The following EIF4E variants were observed in gnomAD, a reference collection of about 807,000 sequenced individuals.
EIF4E encodes the protein eIF-4F 25 kDa subunit.
For synonymous variants in EIF4E, 71 were observed against 88.5 expected, an observed-to-expected ratio of 0.80 and a Z score of 1.11; for missense variants, 113 against 265.6, an observed-to-expected ratio of 0.43 and a Z score of 3.99.
intron 1 of EIF4E, among the ~76,000 whole-genome samples, chr4:98,911,102 T>C (rs1342704927): frequency 6.6e-6 from 1 of 151,658 alleles, no homozygotes; most frequent in African/African-American, 2.4e-5. Context: ...CAGGCTGGAT[T>C]GCAGTGGCGC....
Position 98,887,393 on chromosome 4 carries a change from C to T in EIF4E, c.286-201G>A, listed in dbSNP as rs1247486288. ...CAGAATTAGAGTCCTGGCTTTGTCA[C>T]TTATTAGCTATCAAATCTTGGGTTT... On this transcript the variant is annotated intron_variant, in intron 4 of 6. Coordinates refer to ENST00000450253, the MANE Select transcript of EIF4E (RefSeq NM_001968.5). The surrounding 1 kb of genome is among the most constrained non-coding windows in gnomAD (Gnocchi z 4.0). Among the ~76,000 whole-genome samples the T allele has an allele frequency of 2.6e-5, 4 of 152,200 alleles. No homozygotes were observed. Among genetic ancestry groups the T allele is most frequent in the African/African-American group, 9.7e-5 (4 of 41,428 alleles).
intron 5 of EIF4E, among the ~76,000 whole-genome samples, chr4:98,885,878 C>G (rs1326766712): frequency 6.6e-6 from 1 of 152,176 alleles, no homozygotes; most frequent in African/African-American, 2.4e-5. Flanking sequence ...CATCCATCTC[C>G]AGAAGATTTT....
At chr4:98,892,681 CAAAA>C (rs72248242) in intron 2 of EIF4E, among the ~76,000 whole-genome samples, 10 of 114,104 alleles carry the variant, frequency 8.8e-5, no homozygotes, top group Admixed American at 1.8e-4. Flanking sequence ...AACTCTGTCT[CAAAA>C]AAAAAAAAAA....
Position 98,923,078 on chromosome 4 carries a change from C to T in EIF4E, c.18+6017G>A, listed in dbSNP as rs1725719380. ...GCTGGTCAGGCTGGTCTCGAACTCC[C>T]GACCTCAGGTGATCCGCCCACCTCA... On this transcript the variant is annotated intron_variant, in intron 1 of 6. Coordinates refer to ENST00000450253, the MANE Select transcript of EIF4E (RefSeq NM_001968.5). 1.3e-5 allele frequency among the ~76,000 whole-genome samples: 2 copies of T among 151,306 alleles called. 1 individual carries two copies. Among genetic ancestry groups the T allele is most frequent in the Admixed American group, 1.3e-4 (2 of 15,210 alleles).
intron 1 of EIF4E, 168 bp downstream of exon 1, chr4:98,928,927 T>C (rs1347804726): frequency 1.3e-6 from 2 of 1,573,298 alleles, no homozygotes; most frequent in East Asian, 2.4e-5. Flanking sequence ...GCCTCGGCCA[T>C]CCTCCGGGAC....
At chr4:98,899,015 G>C (rs1724534740) in intron 2 of EIF4E, among the ~76,000 whole-genome samples, 1 of 150,862 alleles carries the variant, frequency 6.6e-6, no homozygotes, top group African/African-American at 2.4e-5. Flanking sequence ...AAACCACTGA[G>C]GAAAAGCAGT....
At chr4:98,918,028 A>G (rs1215910647) in intron 1 of EIF4E, among the ~76,000 whole-genome samples, 1 of 151,896 alleles carries the variant, frequency 6.6e-6, no homozygotes, top group African/African-American at 2.4e-5. Flanking sequence ...GTGAGCAGAG[A>G]CTGCACTCCA....
At chr4:98,918,011 G>C (rs531909352) in intron 1 of EIF4E, among the ~76,000 whole-genome samples, 16 of 152,214 alleles carry the variant, frequency 1.1e-4, no homozygotes, top group African/African-American at 3.9e-4. Flanking sequence ...GGGAGGCGGA[G>C]GTTGCAGTGA....
intron 1 of EIF4E, among the ~76,000 whole-genome samples, chr4:98,906,719 TAAATG>T (rs1485847384): frequency 7.9e-5 from 12 of 151,990 alleles, no homozygotes. Context: ...TCTAAAAAAT[TAAATG>T]AAATGAAACT....
At chr4:98,890,289 A>T (rs1296889880) in intron 3 of EIF4E, among the ~76,000 whole-genome samples, 1 of 152,208 alleles carries the variant, frequency 6.6e-6, no homozygotes, top group Non-Finnish European at 1.5e-5. Flanking sequence ...AGCATCACTA[A>T]TTCAGCATGT....
intron 6 of EIF4E, 30 bp from the exon 7 acceptor site, chr4:98,881,172 A>C: frequency 6.2e-7 from 1 of 1,606,956 alleles, no homozygotes; most frequent in Non-Finnish European, 8.5e-7. Context: ...AAGAAGAAAA[A>C]AGTAGTCATT....
chr4:98,908,137 T>C (rs1197141916), intron 1 of EIF4E, among the ~76,000 whole-genome samples: 1 of 152,178 alleles, frequency 6.6e-6, no homozygotes, highest in Non-Finnish European at 1.5e-5. Flanking sequence ...CTCAATAATT[T>C]CTATCTATCC....
At chr4:98,897,509 T>C (rs1322090134) in intron 2 of EIF4E, among the ~76,000 whole-genome samples, 1 of 152,036 alleles carries the variant, frequency 6.6e-6, no homozygotes, top group Non-Finnish European at 1.5e-5. Context: ...GAGGTTGCAG[T>C]GAGCCAAGAT....
chr4:98,922,117 T>A (rs946016065), intron 1 of EIF4E, among the ~76,000 whole-genome samples: 1 of 152,194 alleles, frequency 6.6e-6, no homozygotes, highest in Non-Finnish European at 1.5e-5. Flanking sequence ...CAAAGCACAT[T>A]ACATGCCTAC....
chr4:98,880,882 T>C lies in EIF4E; in HGVS notation c.*146A>G. The C allele has an allele frequency of 7.2e-7, 1 of 1,397,862 alleles. No individual in the cohort carries two copies. The highest frequency in any genetic ancestry group is 9.5e-7 in the Non-Finnish European group (1 of 1,053,474). The allele number at this position is 1,397,862 out of a possible 1,614,324, so 86.6% of individuals were successfully genotyped here. A position where few individuals can be genotyped will look rare whatever the true frequency, so the allele number is the denominator to read the frequency against. ...CACAGAAGTACAAGACAAAGGCGAA[T>C]GAGACTTCTCTTATATCTGAGTAAC... On this transcript the variant is annotated 3_prime_UTR_variant, in exon 7 of 7. Transcript: ENST00000450253.
intron 6 of EIF4E, among the ~76,000 whole-genome samples, chr4:98,884,414 T>C (rs1441672911): frequency 6.6e-6 from 1 of 151,932 alleles, no homozygotes; most frequent in African/African-American, 2.4e-5. Context: ...AAAAAACATA[T>C]GAAAAAGGCC....
chr4:98,886,713 C>G (rs538604998), intron 5 of EIF4E: 4 of 339,588 alleles, frequency 1.2e-5, no homozygotes, highest in African/African-American at 8.6e-5. Flanking sequence ...AAGACCCTCG[C>G]TCTAAAAATA....
Position 98,896,376 on chromosome 4 carries a change from TGGGACAGGGATG to T in EIF4E, c.126-5056_126-5045del, listed in dbSNP as rs1724392316. On this transcript the variant is annotated intron_variant, in intron 2 of 6. Transcript: ENST00000450253. ...GATAGAGCAAGACCCTGTCAAGGAA[TGGGACAGGGATG>T]GGGACAGGGACAGGGAATGGAAGGG... Among the ~76,000 whole-genome samples the T allele has an allele frequency of 4.2e-5, 6 of 142,394 alleles. No homozygotes were observed. The Middle Eastern group carries it at 0.022, about 520-fold the overall frequency. 93.4% of individuals were successfully genotyped at this position (142,394 alleles called of 152,430 possible).
At chr4:98,893,947 C>T (rs1724258261) in intron 2 of EIF4E, among the ~76,000 whole-genome samples, 1 of 152,212 alleles carries the variant, frequency 6.6e-6, no homozygotes. Context: ...CAAAATTCCT[C>T]TTTGCTGCTC....
Sources: allele counts gnomAD v4.1 joint callset (sites outside exome capture counted in the v4.1 genomes callset), GRCh38; gene constraint gnomAD v4.1.1; non-coding constraint Gnocchi (gnomAD v3.1); transcripts MANE v1.5; gene names NCBI Gene and HGNC (gene_info 2026-07-23, HGNC 2026-07-21).